Variants in RPS6KC1 observed in about 807,000 individuals in gnomAD.
RPS6KC1 encodes ribosomal protein S6 kinase C1, also known as inactive ribosomal protein S6 kinase delta-1.
In RPS6KC1, 54 loss-of-function variants were observed where a neutral mutation model predicts 103.8. That is an observed-to-expected ratio of 0.52 (90% CI 0.42 to 0.65). The LOEUF is 0.65. Ranked by LOEUF, RPS6KC1 falls within the 30% of genes least tolerant of loss-of-function variation. The pLI, the probability that RPS6KC1 is intolerant of heterozygous loss-of-function variation, is 0.00. For synonymous variants in RPS6KC1, 439 were observed against 438.7 expected, an observed-to-expected ratio of 1.00 and a Z score of -0.01; for missense variants, 1,151 against 1,253.8, an observed-to-expected ratio of 0.92 and a Z score of 1.24.
chr1:213,096,252 A>T (rs939453321), intron 3 of RPS6KC1, among the ~76,000 whole-genome samples: 1 of 152,166 alleles, frequency 6.6e-6, no homozygotes, highest in Non-Finnish European at 1.5e-5. Context: ...TTATCATGAG[A>T]TTGCAGCAAT....
the RPS6KC1 span, among the ~76,000 whole-genome samples, chr1:213,778,426 C>T: frequency 0.016 from 2,380 of 152,244 alleles, 71 homozygotes; most frequent in East Asian, 0.074. Flanking sequence ...TCTCCTTTCT[C>T]CTCTCTTCAT....
chr1:213,261,485 G>GCT, intron 12 of RPS6KC1, 73 bp from the exon 13 acceptor site: 3 of 1,331,478 alleles, frequency 2.3e-6, no homozygotes, highest in Non-Finnish European at 3.2e-6. Flanking sequence ...AGGTCACCTT[G>GCT]CTAATACATG....
At chr1:213,130,980 T>G (rs2085538692) in intron 6 of RPS6KC1, among the ~76,000 whole-genome samples, 1 of 152,154 alleles carries the variant, frequency 6.6e-6, no homozygotes, top group Admixed American at 6.5e-5. Context: ...TGCTGTTACC[T>G]TCTCAGTTTC....
At chr1:213,664,825 A>T in the RPS6KC1 span, among the ~76,000 whole-genome samples, 1 of 152,186 alleles carries the variant, frequency 6.6e-6, no homozygotes, top group Non-Finnish European at 1.5e-5. Flanking sequence ...ATTGTTTTTA[A>T]TGGTAAAAAA....
At chr1:213,722,392 G>A in the RPS6KC1 span, among the ~76,000 whole-genome samples, 1 of 152,094 alleles carries the variant, frequency 6.6e-6, no homozygotes, top group Non-Finnish European at 1.5e-5. Context: ...TCCTGATACT[G>A]TGATGTTACA....
chr1:213,293,550 A>G, the RPS6KC1 span, among the ~76,000 whole-genome samples: 5 of 152,016 alleles, frequency 3.3e-5, no homozygotes. Flanking sequence ...GAAATAGGCT[A>G]TTTTTCTTTT....
intron 8 of RPS6KC1, among the ~76,000 whole-genome samples, chr1:213,195,629 A>G (rs2092916550): frequency 6.6e-6 from 1 of 152,044 alleles, no homozygotes; most frequent in South Asian, 2.1e-4. Context: ...CTTTCTCCTG[A>G]GTCCTCAGAG....
chr1:213,204,610 T>C (rs1374523210), intron 8 of RPS6KC1, among the ~76,000 whole-genome samples: 2 of 151,576 alleles, frequency 1.3e-5, no homozygotes, highest in African/African-American at 4.8e-5. Flanking sequence ...AATTTCTAAT[T>C]TAATTGTCAC....
chr1:213,861,689 A>G, the RPS6KC1 span, among the ~76,000 whole-genome samples: 1 of 152,212 alleles, frequency 6.6e-6, no homozygotes, highest in East Asian at 1.9e-4. Flanking sequence ...CTGGAGTCGC[A>G]GCCTACCTTT....
chr1:213,135,898 A>G (rs1334002960), intron 6 of RPS6KC1, among the ~76,000 whole-genome samples: 1 of 152,192 alleles, frequency 6.6e-6, no homozygotes, highest in Non-Finnish European at 1.5e-5. Flanking sequence ...TGCTTTTTAA[A>G]TTATCCTATA....
At chr1:213,465,624 G>A in the RPS6KC1 span, among the ~76,000 whole-genome samples, 1 of 152,062 alleles carries the variant, frequency 6.6e-6, no homozygotes, top group Admixed American at 6.6e-5. Flanking sequence ...ACCTTTAATA[G>A]ATTAATTCTG....
At chr1:213,763,090 C>T in the RPS6KC1 span, among the ~76,000 whole-genome samples, 2 of 152,126 alleles carry the variant, frequency 1.3e-5, no homozygotes, top group Non-Finnish European at 2.9e-5. Flanking sequence ...AACTCCTGAC[C>T]TCAGGTGATC....
At chr1:213,339,797 A>AT in the RPS6KC1 span, among the ~76,000 whole-genome samples, 1 of 152,188 alleles carries the variant, frequency 6.6e-6, no homozygotes, top group Admixed American at 6.5e-5. Context: ...CCCAGGACGC[A>AT]TGGTGGCTTT....
At chr1:213,728,160 G>T in the RPS6KC1 span, among the ~76,000 whole-genome samples, 1 of 152,064 alleles carries the variant, frequency 6.6e-6, no homozygotes, top group African/African-American at 2.4e-5. Context: ...AGTGAGGAGG[G>T]GGAAAAATAA....
At chr1:213,670,912 G>A in the RPS6KC1 span, among the ~76,000 whole-genome samples, 1 of 152,096 alleles carries the variant, frequency 6.6e-6, no homozygotes, top group Non-Finnish European at 1.5e-5. Context: ...CAGTCTTGTG[G>A]CTTCAGATCT....
At chr1:213,168,504 T>A (rs1439258070) in intron 7 of RPS6KC1, among the ~76,000 whole-genome samples, 1 of 152,182 alleles carries the variant, frequency 6.6e-6, no homozygotes, top group Non-Finnish European at 1.5e-5. Context: ...GTTTTTATGC[T>A]GTATCGACCT....
chr1:213,650,464 T>C, the RPS6KC1 span, among the ~76,000 whole-genome samples: 1 of 152,064 alleles, frequency 6.6e-6, no homozygotes, highest in Admixed American at 6.5e-5. Context: ...AGGCACAAGC[T>C]CCCTCCCTCA....
the RPS6KC1 span, among the ~76,000 whole-genome samples, chr1:213,772,625 G>C: frequency 7.0e-6 from 1 of 142,992 alleles, no homozygotes; most frequent in African/African-American, 2.6e-5. Flanking sequence ...CGGGAAGATG[G>C]AGTGGTTTCT....
chr1:213,116,960 A>G (rs1203292880), intron 4 of RPS6KC1, among the ~76,000 whole-genome samples: 2 of 152,132 alleles, frequency 1.3e-5, no homozygotes, highest in Non-Finnish European at 2.9e-5. Context: ...GGGTAACCTG[A>G]CCTTTCTCTC....
Sources: gnomAD v4.1 joint callset for allele counts (sites outside exome capture counted in the v4.1 genomes callset) on GRCh38, gnomAD v4.1.1 for gene constraint, MANE v1.5 for transcripts, NCBI Gene and HGNC (gene_info 2026-07-23, HGNC 2026-07-21) for gene names.